CIMAP3: variants seen among roughly 807,000 people sequenced by gnomAD.
CIMAP3 encodes the protein ciliary microtubule associated protein 3.
chr1:111,335,570 C>T, the CIMAP3 span, among the ~76,000 whole-genome samples: 1 of 152,242 alleles, frequency 6.6e-6, no homozygotes, highest in Non-Finnish European at 1.5e-5. Context: ...CTCAGAGGGT[C>T]CTACGCCCAC....
chr1:111,335,792 C>A, the CIMAP3 span, among the ~76,000 whole-genome samples: 1 of 152,262 alleles, frequency 6.6e-6, no homozygotes, highest in Non-Finnish European at 1.5e-5. Context: ...AACAAAAAGG[C>A]AGCAGTAACC....
chr1:111,350,578 A>G, the CIMAP3 span, among the ~76,000 whole-genome samples: 3 of 152,278 alleles, frequency 2.0e-5, no homozygotes, highest in African/African-American at 4.8e-5. Flanking sequence ...CTCCTAATAC[A>G]TTGCTCTTTC....
the CIMAP3 span, among the ~76,000 whole-genome samples, chr1:111,335,821 C>T: frequency 6.6e-6 from 1 of 152,204 alleles, no homozygotes; most frequent in African/African-American, 2.4e-5. Flanking sequence ...CTTAAATGTC[C>T]CTGTCTGACA....
At chr1:111,342,125 A>C in the CIMAP3 span, among the ~76,000 whole-genome samples, 1 of 152,178 alleles carries the variant, frequency 6.6e-6, no homozygotes, top group Non-Finnish European at 1.5e-5. Flanking sequence ...CAAGGAATAA[A>C]CTCTCAAAGG....
the CIMAP3 span, among the ~76,000 whole-genome samples, chr1:111,339,228 A>T: frequency 6.6e-6 from 1 of 151,670 alleles, no homozygotes; most frequent in Non-Finnish European, 1.5e-5. Flanking sequence ...GCTATCTATG[A>T]CAAACCCACA....
chr1:111,333,018 T>C, the CIMAP3 span, among the ~76,000 whole-genome samples: 1 of 152,144 alleles, frequency 6.6e-6, no homozygotes, highest in Non-Finnish European at 1.5e-5. Flanking sequence ...CTGCAGTGAG[T>C]AGGGCATCTC....
At chr1:111,343,772 G>A in the CIMAP3 span, among the ~76,000 whole-genome samples, 1 of 152,244 alleles carries the variant, frequency 6.6e-6, no homozygotes, top group African/African-American at 2.4e-5. Context: ...GATGGGCCCA[G>A]TTAAGTTATG....
chr1:111,347,636 TTGGTGTTTTTGTTTG>T, the CIMAP3 span: 2 of 1,212,806 alleles, frequency 1.6e-6, no homozygotes, highest in Non-Finnish European at 1.2e-6. Context: ...TTTTTTTTTT[TTGGTGTTTTTGTTTG>T]TTTTTTAATA....
At chr1:111,327,226 C>T in the CIMAP3 span, among the ~76,000 whole-genome samples, 1 of 152,092 alleles carries the variant, frequency 6.6e-6, no homozygotes, top group Non-Finnish European at 1.5e-5. Flanking sequence ...TCAAGTCTTA[C>T]ATTTAAATCC....
the CIMAP3 span, among the ~76,000 whole-genome samples, chr1:111,335,624 C>T: frequency 2.0e-5 from 3 of 152,212 alleles, no homozygotes; most frequent in African/African-American, 7.2e-5. Context: ...CATCAAACTG[C>T]AAGGGGGCAG....
the CIMAP3 span, chr1:111,351,190 T>TTCAAA: frequency 1.4e-6 from 1 of 715,046 alleles, no homozygotes; most frequent in Non-Finnish European, 2.4e-6. Flanking sequence ...TTTTTTTGCA[T>TTCAAA]AACTGGGAAG....
the CIMAP3 span, chr1:111,351,150 A>T: frequency 2.4e-5 from 19 of 781,480 alleles, no homozygotes; most frequent in Non-Finnish European, 3.4e-5. Context: ...GTTGGGATTC[A>T]CCTCTATAAT....
chr1:111,348,284 C>T, the CIMAP3 span: 1 of 331,088 alleles, frequency 3.0e-6, no homozygotes. Context: ...GGTTCTCTAC[C>T]CATCCTAGAT....
the CIMAP3 span, among the ~76,000 whole-genome samples, chr1:111,343,314 C>T: frequency 6.6e-6 from 1 of 152,078 alleles, no homozygotes; most frequent in Non-Finnish European, 1.5e-5. Flanking sequence ...TAAATTAGAC[C>T]ATTGCAACAG....
chr1:111,328,779 AT>A, the CIMAP3 span, among the ~76,000 whole-genome samples: 4 of 152,174 alleles, frequency 2.6e-5, no homozygotes, highest in Non-Finnish European at 5.9e-5. Context: ...ACAGCACACC[AT>A]TAGGTCTTGC....
At chr1:111,351,166 GTTTT>G in the CIMAP3 span, 22,149 of 567,702 alleles carry the variant, frequency 0.039, 106 homozygotes, top group African/African-American at 0.076. Flanking sequence ...ATAATGTACA[GTTTT>G]TTTTTTTTTT....
At chr1:111,343,651 A>G in the CIMAP3 span, among the ~76,000 whole-genome samples, 1 of 152,270 alleles carries the variant, frequency 6.6e-6, no homozygotes, top group Non-Finnish European at 1.5e-5. Flanking sequence ...ATCATTACAC[A>G]GATGGTTATA....
chr1:111,329,516 CATATATATATATATATAT>C, the CIMAP3 span, among the ~76,000 whole-genome samples: 771 of 106,260 alleles, frequency 7.3e-3, 18 homozygotes, highest in African/African-American at 0.02. Flanking sequence ...CACATAAACC[CATATATATATATATATAT>C]ATATATATAT....
the CIMAP3 span, among the ~76,000 whole-genome samples, chr1:111,337,352 A>T: frequency 6.6e-6 from 1 of 152,222 alleles, no homozygotes; most frequent in East Asian, 1.9e-4. Context: ...TAACAATATT[A>T]ACTTTAAATG....
Sources: allele counts gnomAD v4.1 joint callset (sites outside exome capture counted in the v4.1 genomes callset), GRCh38; gene constraint gnomAD v4.1.1; transcripts MANE v1.5; gene names NCBI Gene and HGNC (gene_info 2026-07-23, HGNC 2026-07-21).